Variants in NEK1 observed in about 807,000 individuals in gnomAD.
NEK1 encodes NIMA related kinase 1.
Under a neutral mutation model 182.1 loss-of-function variants are expected in NEK1, and 137 were observed. The observed-to-expected ratio is 0.75, with a 90% CI of 0.65 to 0.87. The LOEUF (loss-of-function observed/expected upper bound fraction) is 0.87, where lower values mean the gene tolerates loss of function less well. Ranked by LOEUF, NEK1 falls within the 40% of genes least tolerant of loss-of-function variation. The pLI, the probability that NEK1 is intolerant of heterozygous loss-of-function variation, is 0.00. For missense variants in NEK1, 1,391 were observed against 1,494.4 expected, an observed-to-expected ratio of 0.93 and a Z score of 1.14; for synonymous variants, 513 against 492.2, an observed-to-expected ratio of 1.04 and a Z score of -0.56.
At chr4:169,407,676 T>C (rs547772611) in intron 31 of NEK1, among the ~76,000 whole-genome samples, 1 of 152,282 alleles carries the variant, frequency 6.6e-6, no homozygotes, top group South Asian at 2.1e-4. Flanking sequence ...ACTAACTACA[T>C]ACATAACTCT....
At chr4:169,421,254 C>T (rs565399048) in intron 31 of NEK1, among the ~76,000 whole-genome samples, 16 of 152,212 alleles carry the variant, frequency 1.1e-4, no homozygotes, top group Admixed American at 6.5e-4. Flanking sequence ...TACTGAACAA[C>T]GTGATCAAAC....
intron 4 of NEK1, among the ~76,000 whole-genome samples, chr4:169,599,446 A>G (rs956101205): frequency 6.6e-6 from 1 of 152,200 alleles, no homozygotes; most frequent in Non-Finnish European, 1.5e-5. Flanking sequence ...TGCTGTTTGC[A>G]TTGACCTAAA....
intron 26 of NEK1, among the ~76,000 whole-genome samples, chr4:169,473,596 A>G (rs1371188045): frequency 1.3e-5 from 2 of 152,196 alleles, no homozygotes; most frequent in Non-Finnish European, 2.9e-5. Context: ...TTTGAAAATA[A>G]GAGAAGGGTC....
At position 169,602,513 on chromosome 4, in the gene NEK1, C is replaced by T. The variant is rs794727285; in HGVS notation, c.117+1G>A. 1 of 1,473,680 alleles carries T rather than the reference C, an allele frequency of 6.8e-7. No individual in the cohort carries two copies. Among genetic ancestry groups the T allele is most frequent in the South Asian group, 1.1e-5 (1 of 87,198 alleles). The allele number at this position is 1,473,680 out of a possible 1,614,324, so 91.3% of individuals were successfully genotyped here. ...TGAAACCAAACTAAAAATATACTTACTCTTGAGATGTTAATTTCCTTGATA... is the reference window on the plus strand; with the variant it reads ...TGAAACCAAACTAAAAATATACTTATTCTTGAGATGTTAATTTCCTTGATA... On this transcript the variant is annotated splice_donor_variant, in intron 3 of 35. Coordinates refer to ENST00000507142, the MANE Select transcript of NEK1 (RefSeq NM_001199397.3). LOFTEE classifies it high-confidence loss of function.
intron 26 of NEK1, among the ~76,000 whole-genome samples, chr4:169,472,551 G>A (rs1746198714): frequency 6.6e-6 from 1 of 152,182 alleles, no homozygotes; most frequent in African/African-American, 2.4e-5. Flanking sequence ...GGTCTCACTG[G>A]GAACTGCAGA....
At chr4:169,497,787 T>G (rs1751632557) in intron 23 of NEK1, among the ~76,000 whole-genome samples, 1 of 152,232 alleles carries the variant, frequency 6.6e-6, no homozygotes, top group African/African-American at 2.4e-5. Flanking sequence ...TTATAATTTC[T>G]GTTCTTTTAC....
chr4:169,571,125 C>T (rs1157838945), intron 12 of NEK1, among the ~76,000 whole-genome samples: 1 of 151,536 alleles, frequency 6.6e-6, no homozygotes, highest in East Asian at 1.9e-4. Context: ...CACTATTGTC[C>T]TATGACCCTG....
chr4:169,438,863 C>T (rs974903009), intron 27 of NEK1, among the ~76,000 whole-genome samples: 6 of 152,150 alleles, frequency 3.9e-5, no homozygotes, highest in African/African-American at 1.4e-4. Context: ...TTCACTCTAC[C>T]TCAGTCTTCA....
At chr4:169,422,215 G>A (rs1735600998) in intron 31 of NEK1, among the ~76,000 whole-genome samples, 1 of 152,194 alleles carries the variant, frequency 6.6e-6, no homozygotes, top group Non-Finnish European at 1.5e-5. Context: ...AATGTATTGG[G>A]AAGTGAATGT....
chr4:169,512,092 T>A (rs1754284138), intron 19 of NEK1, among the ~76,000 whole-genome samples: 1 of 152,132 alleles, frequency 6.6e-6, no homozygotes, highest in Non-Finnish European at 1.5e-5. Flanking sequence ...TGAATGAGTT[T>A]CTAAGTGACA....
At chr4:169,492,264 C>T (rs1056907523) in intron 23 of NEK1, among the ~76,000 whole-genome samples, 3 of 152,180 alleles carry the variant, frequency 2.0e-5, no homozygotes, top group African/African-American at 7.2e-5. Context: ...CCGTTCTCCT[C>T]AGAAGGAAGA....
At chr4:169,519,152 T>C (rs1755636925) in intron 19 of NEK1, among the ~76,000 whole-genome samples, 1 of 34,548 alleles carries the variant, frequency 2.9e-5, no homozygotes, top group Non-Finnish European at 4.6e-5. Context: ...AGTCTCTTTG[T>C]AGGTCACTGA....
At chr4:169,609,533 T>C (rs1476428127) in intron 2 of NEK1, among the ~76,000 whole-genome samples, 2 of 152,202 alleles carry the variant, frequency 1.3e-5, no homozygotes, top group African/African-American at 4.8e-5. Flanking sequence ...AAATATGGCA[T>C]GCTATCATTT....
intron 35 of NEK1, among the ~76,000 whole-genome samples, chr4:169,399,552 G>C (rs1339187842): frequency 1.3e-5 from 2 of 148,542 alleles, no homozygotes; most frequent in East Asian, 3.9e-4. Flanking sequence ...ACTCCAGCCT[G>C]GGCAATAAGA....
Position 169,585,441 on chromosome 4 carries a change from A to G in NEK1, c.715T>C (p.Phe239Leu). 1 of 1,613,664 alleles carries G rather than the reference A, an allele frequency of 6.2e-7. No individual in the cohort carries two copies. The highest frequency in any genetic ancestry group is 8.5e-7 in the Non-Finnish European group (1 of 1,179,642). Residue 239 changes from phenylalanine (F) to leucine (L), a missense_variant, in exon 10 of 36, where the codon TTT (phenylalanine) becomes CTT (leucine). Phe to Leu is a conservative substitution (Grantham distance 22, BLOSUM62 0). Transcript: ENST00000507142. ...YDLRSLVSQL[F>L]KRNPRDRPSV... ...GGTCTATCCCTAGGATTTCTTTTAA[A>G]TAACTGAGACACCAAACTGCGGAGA... is the stretch of plus-strand genomic sequence containing the variant.
intron 4 of NEK1, among the ~76,000 whole-genome samples, chr4:169,599,400 T>C (rs1770101238): frequency 1.3e-5 from 2 of 152,348 alleles, no homozygotes; most frequent in African/African-American, 4.8e-5. Context: ...CCATCATTAA[T>C]GATTTCTATT....
chr4:169,430,859 G>A (rs1366491251), intron 29 of NEK1, among the ~76,000 whole-genome samples: 2 of 151,698 alleles, frequency 1.3e-5, no homozygotes, highest in African/African-American at 2.4e-5. Flanking sequence ...AAATTGTTGG[G>A]GGTGGGGAGT....
intron 5 of NEK1, among the ~76,000 whole-genome samples, chr4:169,595,586 G>T (rs376144705): frequency 2.6e-5 from 4 of 152,112 alleles, no homozygotes; most frequent in African/African-American, 9.7e-5. Flanking sequence ...TATTTGAGAT[G>T]ATTTTCATGT....
intron 12 of NEK1, among the ~76,000 whole-genome samples, chr4:169,566,986 T>C (rs184695131): frequency 2.3e-4 from 35 of 152,108 alleles, no homozygotes; most frequent in African/African-American, 8.4e-4. Context: ...TCCCAGCTAC[T>C]TGGGAGGCAG....
Sources: allele counts gnomAD v4.1 joint callset (sites outside exome capture counted in the v4.1 genomes callset), GRCh38; gene constraint gnomAD v4.1.1; transcripts MANE v1.5; gene names NCBI Gene and HGNC (gene_info 2026-07-23, HGNC 2026-07-21).